Variants in KANSL1 observed in about 807,000 individuals in gnomAD.
KANSL1 encodes KAT8 regulatory NSL complex subunit 1.
In KANSL1, 22 loss-of-function variants were observed where a neutral mutation model predicts 103.6. That is an observed-to-expected ratio of 0.21 (90% confidence interval 0.15 to 0.30). KANSL1 has a LOEUF of 0.30. KANSL1 is among the 10% of genes least tolerant of loss of function. The pLI is 1.00. For synonymous variants in KANSL1, 600 were observed against 527.6 expected (o/e 1.14, Z -1.88); for missense variants, 1,337 against 1,399.8 (o/e 0.96, Z 0.72).
intron 2 of KANSL1, among the ~76,000 whole-genome samples, chr17:46,142,092 A>G (rs2044451494): frequency 1.3e-5 from 2 of 152,174 alleles, no homozygotes; most frequent in Non-Finnish European, 1.5e-5. Flanking sequence ...GTTTCACTAT[A>G]TTGGTAAAAG....
intron 2 of KANSL1, among the ~76,000 whole-genome samples, chr17:46,118,118 A>G (rs949264313): frequency 3.9e-5 from 6 of 152,214 alleles, no homozygotes; most frequent in African/African-American, 1.2e-4. Context: ...ATAATCTGTG[A>G]TATGAAGCAA....
intron 2 of KANSL1, among the ~76,000 whole-genome samples, chr17:46,153,904 A>C (rs371612503): frequency 6.6e-6 from 1 of 152,232 alleles, no homozygotes; most frequent in Non-Finnish European, 1.5e-5. Context: ...TATTTCATGA[A>C]CACCAGATGC....
chr17:46,091,900 CCT>C (rs1415847120), intron 3 of KANSL1, among the ~76,000 whole-genome samples: 3 of 151,226 alleles, frequency 2.0e-5, no homozygotes, highest in Non-Finnish European at 3.0e-5. Flanking sequence ...CTCACTGCAC[CCT>C]GTCTCCCAGG....
At chr17:46,204,963 TGGG>T (rs1393017699) in intron 1 of KANSL1, among the ~76,000 whole-genome samples, 1 of 152,090 alleles carries the variant, frequency 6.6e-6, no homozygotes, top group African/African-American at 2.4e-5. Context: ...AAAATACCTA[TGGG>T]GGAAAAAAAG....
chr17:46,055,651 C>G (rs559302328), intron 6 of KANSL1, among the ~76,000 whole-genome samples: 3 of 151,992 alleles, frequency 2.0e-5, no homozygotes, highest in African/African-American at 7.2e-5. Flanking sequence ...AACAAATAAT[C>G]TAAAAGATAC....
Position 46,076,004 on chromosome 17 carries a change from A to C in KANSL1, c.1533+6437T>G, listed in dbSNP as rs564311553. Among the ~76,000 whole-genome samples, 7 of 152,358 alleles carry C rather than the reference A, an allele frequency of 4.6e-5. No homozygotes were observed. In the East Asian group the frequency reaches 9.6e-4, roughly 21 times the overall value. On this transcript the variant is annotated intron_variant, in intron 4 of 14. Transcript: ENST00000432791. The stretch of plus-strand genomic sequence containing the variant: ...ACAAGAAGCACTCAAGAAAAGATAG[A>C]TACCTGGTTCTACTTAGTCTTTCAG...
At chr17:46,175,418 C>T (rs1481165200) in intron 1 of KANSL1, among the ~76,000 whole-genome samples, 3 of 151,406 alleles carry the variant, frequency 2.0e-5, no homozygotes, top group African/African-American at 4.9e-5. Flanking sequence ...GGCGTGATCT[C>T]GGCTCACTGC....
chr17:46,206,551 C>T (rs1367638205), intron 1 of KANSL1, among the ~76,000 whole-genome samples: 2 of 151,972 alleles, frequency 1.3e-5, no homozygotes, highest in Non-Finnish European at 2.9e-5. Context: ...CAAAGCAAGA[C>T]CCCCATCTCT....
intron 1 of KANSL1, among the ~76,000 whole-genome samples, chr17:46,180,041 G>A (rs969599228): frequency 6.6e-6 from 1 of 151,654 alleles, no homozygotes; most frequent in Non-Finnish European, 1.5e-5. Flanking sequence ...TCCAGCTTGG[G>A]TAACAAGAGC....
chr17:46,129,105 C>T (rs1294395471), intron 2 of KANSL1, among the ~76,000 whole-genome samples: 1 of 152,110 alleles, frequency 6.6e-6, no homozygotes, highest in Non-Finnish European at 1.5e-5. Context: ...AAAATCTATT[C>T]ATCTCTGCAT....
At chr17:46,192,193 G>A (rs1277589672) in intron 1 of KANSL1, among the ~76,000 whole-genome samples, 1 of 152,102 alleles carries the variant, frequency 6.6e-6, no homozygotes, top group Non-Finnish European at 1.5e-5. Flanking sequence ...TTTATCGTAT[G>A]GAAAACAAAC....
intron 2 of KANSL1, among the ~76,000 whole-genome samples, chr17:46,119,186 C>G (rs1355752344): frequency 2.0e-5 from 3 of 152,180 alleles, no homozygotes; most frequent in Non-Finnish European, 4.4e-5. Context: ...GAAACGGTGC[C>G]TACTATCCCC....
intron 2 of KANSL1, among the ~76,000 whole-genome samples, chr17:46,160,259 C>T (rs1308331120): frequency 6.6e-6 from 1 of 152,204 alleles, no homozygotes; most frequent in African/African-American, 2.4e-5. Context: ...TCAACCACTT[C>T]CTAGATGTTA....
chr17:46,038,858 G>T, intron 9 of KANSL1, 169 bp downstream of exon 9: 1 of 1,109,660 alleles, frequency 9.0e-7, no homozygotes, highest in Non-Finnish European at 1.3e-6. Flanking sequence ...GGCAGAGGTT[G>T]CTGTAGCAGT....
intron 3 of KANSL1, among the ~76,000 whole-genome samples, chr17:46,085,864 G>A (rs1248305063): frequency 2.6e-5 from 4 of 152,170 alleles, no homozygotes; most frequent in Non-Finnish European, 5.9e-5. Context: ...CTAGACTCAA[G>A]CAATCCACCT....
chr17:46,162,004 T>TA (rs1468125105), intron 2 of KANSL1, among the ~76,000 whole-genome samples: 1 of 152,248 alleles, frequency 6.6e-6, no homozygotes, highest in Non-Finnish European at 1.5e-5. Context: ...TCTTCACACT[T>TA]ATAGAAATAT....
intron 6 of KANSL1, among the ~76,000 whole-genome samples, chr17:46,057,813 T>G (rs559905624): frequency 5.1e-4 from 77 of 152,336 alleles, no homozygotes; most frequent in African/African-American, 1.8e-3. Context: ...TTCAACTTCG[T>G]ATCTGAATAA....
At chr17:46,117,775 C>CAATTTAATTA (rs1475542898) in intron 2 of KANSL1, among the ~76,000 whole-genome samples, 1 of 152,118 alleles carries the variant, frequency 6.6e-6, no homozygotes, top group African/African-American at 2.4e-5. Context: ...TTTAATTATG[C>CAATTTAATTA]TTTTAAAATG....
chr17:46,167,972 C>T (rs1307311063), intron 2 of KANSL1, among the ~76,000 whole-genome samples: 5 of 152,226 alleles, frequency 3.3e-5, no homozygotes, highest in Non-Finnish European at 7.3e-5. Context: ...GTCTCCTCTA[C>T]TAAATATTTT....
Sources: gnomAD v4.1 joint callset for allele counts (sites outside exome capture counted in the v4.1 genomes callset) on GRCh38, gnomAD v4.1.1 for gene constraint, MANE v1.5 for transcripts, NCBI Gene and HGNC (gene_info 2026-07-23, HGNC 2026-07-21) for gene names.